The following RBFOX2 variants were observed in gnomAD, a reference collection of about 807,000 sequenced individuals.
The protein encoded by RBFOX2 is RNA binding fox-1 homolog 2, also known as RNA binding protein fox-1 homolog 2.
Under a neutral mutation model 49.1 loss-of-function variants are expected in RBFOX2, and 10 were observed. The observed-to-expected ratio is 0.20, with a 90% CI of 0.13 to 0.35. The LOEUF is 0.35. Ranked by LOEUF, RBFOX2 falls within the 10% of genes least tolerant of loss-of-function variation. The probability of loss-of-function intolerance (pLI) is 1.00; values close to 1 mark genes in which losing one functional copy is unlikely to be tolerated. For synonymous variants in RBFOX2, 183 were observed against 187.4 expected (o/e 0.98, Z 0.19); for missense variants, 323 against 486.9 (o/e 0.66, Z 3.17).
chr22:35,786,357 G>C (rs896594913), intron 2 of RBFOX2, among the ~76,000 whole-genome samples: 4 of 152,154 alleles, frequency 2.6e-5, no homozygotes, highest in African/African-American at 9.7e-5. Context: ...GTAGAAAAAA[G>C]TGACCTATCA....
chr22:35,787,911 C>T (rs983262599), intron 2 of RBFOX2, among the ~76,000 whole-genome samples: 4 of 152,184 alleles, frequency 2.6e-5, no homozygotes, highest in Admixed American at 1.3e-4. Flanking sequence ...TGAGGACTAG[C>T]GGCAGTGCTG....
At chr22:35,831,037 C>T (rs962567618) in intron 1 of RBFOX2, among the ~76,000 whole-genome samples, 6 of 152,148 alleles carry the variant, frequency 3.9e-5, no homozygotes, top group African/African-American at 7.2e-5. Flanking sequence ...AAGGAAATTG[C>T]GAGGTCCTGT....
chr22:35,948,643 C>T (rs2054580424), intron 1 of RBFOX2, among the ~76,000 whole-genome samples: 1 of 151,974 alleles, frequency 6.6e-6, no homozygotes, highest in African/African-American at 2.4e-5. Context: ...TGAGATTGTA[C>T]CACAGCATTC....
chr22:35,811,578 T>C (rs1951876197), intron 1 of RBFOX2, among the ~76,000 whole-genome samples: 1 of 152,206 alleles, frequency 6.6e-6, no homozygotes, highest in Non-Finnish European at 1.5e-5. Flanking sequence ...AATACTTTCT[T>C]ATGGCAGCCC....
chr22:35,770,309 T>G (rs533857197), intron 4 of RBFOX2, among the ~76,000 whole-genome samples: 1 of 152,322 alleles, frequency 6.6e-6, no homozygotes, highest in South Asian at 2.1e-4. Flanking sequence ...CAGTCATATA[T>G]TTTATGACTT....
rs361700 is a variant in RBFOX2, at chr22:35,927,604, C to CAAAAA, written c.-34+11238_-34+11242dup. Among the ~76,000 whole-genome samples, 7 of 49,172 alleles carry CAAAAA rather than the reference C, an allele frequency of 1.4e-4. 1 individual carries two copies. The highest frequency in any genetic ancestry group is 3.8e-4 in the African/African-American group (5 of 13,298). The allele number at this position is 49,172 out of a possible 152,430, so 32.3% of individuals were successfully genotyped here. A position where few individuals can be genotyped will look rare whatever the true frequency, so the allele number is the denominator to read the frequency against. ...GGGCAACAAGAGTGAAACTCCGTCT[C>CAAAAA]AAAAAAAAAAAAAAAAAAAAAAGCA... On this transcript the variant is annotated intron_variant, in intron 1 of 13. Transcript: ENST00000359369.
chr22:35,956,333 A>G (rs571936186), intron 1 of RBFOX2, among the ~76,000 whole-genome samples: 1 of 151,890 alleles, frequency 6.6e-6, no homozygotes, highest in South Asian at 2.1e-4. Context: ...CACAAATATC[A>G]GTTTTCCTTA....
rs2057342572 is a variant in RBFOX2 at position 35,979,241 on chromosome 22, CTG to C, written c.187-40346_187-40345del. 5.9e-5 allele frequency among the ~76,000 whole-genome samples: 9 copies of C among 152,294 alleles called. No homozygotes were observed. In the South Asian group the frequency reaches 1.9e-3, roughly 32 times the overall value. On this transcript the variant is annotated intron_variant, in intron 1 of 13. Transcript: ENST00000438146. ...TGAAAGAAAGGTAAAGACTGAGAAA[CTG>C]TTCCAGGCTGAAGAGGTCTGAGGCG...
intron 1 of RBFOX2, among the ~76,000 whole-genome samples, chr22:35,832,189 T>C (rs754661205): frequency 1.3e-5 from 2 of 152,144 alleles, no homozygotes; most frequent in Non-Finnish European, 2.9e-5. Flanking sequence ...CTGGCCAACA[T>C]GGTGAAACCC....
At chr22:35,832,236 G>A (rs1448514981) in intron 1 of RBFOX2, among the ~76,000 whole-genome samples, 1 of 151,920 alleles carries the variant, frequency 6.6e-6, no homozygotes, top group Non-Finnish European at 1.5e-5. Context: ...AACTGGGCAT[G>A]GTGACGCACA....
At chr22:35,980,167 A>G (rs998364457) in intron 1 of RBFOX2, among the ~76,000 whole-genome samples, 1 of 152,186 alleles carries the variant, frequency 6.6e-6, no homozygotes, top group Non-Finnish European at 1.5e-5. Context: ...AAAGGCCACA[A>G]CGGAATATAC....
intron 4 of RBFOX2, among the ~76,000 whole-genome samples, chr22:35,776,513 C>T (rs555665034): frequency 3.9e-4 from 60 of 152,288 alleles, no homozygotes; most frequent in African/African-American, 1.4e-3. Context: ...ACAGCACATA[C>T]ATTTTTAAGT....
chr22:35,866,328 A>AT (rs1357359632), intron 1 of RBFOX2, among the ~76,000 whole-genome samples: 4 of 152,138 alleles, frequency 2.6e-5, no homozygotes, highest in African/African-American at 9.7e-5. Context: ...TATATACGCC[A>AT]TTTTTTTGAA....
intron 1 of RBFOX2, among the ~76,000 whole-genome samples, chr22:35,986,486 C>T (rs1261532308): frequency 6.6e-6 from 1 of 152,094 alleles, no homozygotes; most frequent in Non-Finnish European, 1.5e-5. Context: ...GAAAAACGTG[C>T]ACCTCAAAAA....
intron 9 of RBFOX2, among the ~76,000 whole-genome samples, chr22:35,750,264 CACAA>C (rs907383080): frequency 2.6e-4 from 39 of 152,168 alleles, no homozygotes; most frequent in Admixed American, 1.7e-3. Flanking sequence ...CAGCTGACTG[CACAA>C]ACAAACAAAC....
intron 1 of RBFOX2, among the ~76,000 whole-genome samples, chr22:35,954,076 TG>T (rs1176114638): frequency 1.3e-5 from 2 of 152,276 alleles, no homozygotes; most frequent in Non-Finnish European, 1.5e-5. Flanking sequence ...ACAATATATA[TG>T]TTTTTTTATG....
chr22:35,861,182 A>C (rs902318874), intron 1 of RBFOX2, among the ~76,000 whole-genome samples: 2 of 152,238 alleles, frequency 1.3e-5, no homozygotes, highest in African/African-American at 4.8e-5. Flanking sequence ...AATGGACCAC[A>C]TACCTAAAAA....
intron 1 of RBFOX2, among the ~76,000 whole-genome samples, chr22:35,811,267 G>A (rs993172492): frequency 3.9e-5 from 6 of 152,178 alleles, no homozygotes; most frequent in Admixed American, 2.6e-4. Flanking sequence ...TCTCCAACCC[G>A]TATGTTGAAG....
At chr22:35,926,099 T>C (rs1443222874) in intron 1 of RBFOX2, among the ~76,000 whole-genome samples, 2 of 152,214 alleles carry the variant, frequency 1.3e-5, no homozygotes, top group African/African-American at 4.8e-5. Context: ...TATGAGGCCT[T>C]TTGTCTTACC....
Sources: allele counts gnomAD v4.1 joint callset (sites outside exome capture counted in the v4.1 genomes callset), GRCh38; gene constraint gnomAD v4.1.1; transcripts MANE v1.5; gene names NCBI Gene and HGNC (gene_info 2026-07-23, HGNC 2026-07-21).